Variants in FAM168A observed in about 807,000 individuals in gnomAD.
The protein encoded by FAM168A is family with sequence similarity 168 member A.
Under a neutral mutation model 28.5 loss-of-function variants are expected in FAM168A, and 3 were observed. That is an observed-to-expected ratio of 0.11 (90% CI 0.05 to 0.27). The LOEUF (loss-of-function observed/expected upper bound fraction) is 0.27, where lower values mean the gene tolerates loss of function less well. Among genes scored for constraint, FAM168A ranks in the 10% least tolerant of loss-of-function variants. FAM168A has a pLI of 1.00. For synonymous variants in FAM168A, 122 were observed against 124.2 expected (o/e 0.98, Z 0.12); for missense variants, 222 against 311.5 (o/e 0.71, Z 2.16).
At chr11:73,512,102 T>C (rs991158903) in intron 1 of FAM168A, among the ~76,000 whole-genome samples, 1 of 152,174 alleles carries the variant, frequency 6.6e-6, no homozygotes, top group Non-Finnish European at 1.5e-5. Flanking sequence ...TAAATGTGCC[T>C]ACCATGTGTC....
chr11:73,517,649 C>T (rs561034223), intron 1 of FAM168A, among the ~76,000 whole-genome samples: 3 of 152,188 alleles, frequency 2.0e-5, no homozygotes, highest in Admixed American at 6.5e-5. Flanking sequence ...TTAAGAGGAT[C>T]AGGGAAAAAC....
intron 1 of FAM168A, among the ~76,000 whole-genome samples, chr11:73,469,167 A>T (rs760264672): frequency 1.4e-4 from 21 of 152,236 alleles, no homozygotes; most frequent in Admixed American, 3.3e-4. Context: ...TTTGTGTGCA[A>T]TAAGTATCAC....
At chr11:73,451,684 C>G (rs34493385) in intron 2 of FAM168A, among the ~76,000 whole-genome samples, 11,421 of 152,286 alleles carry the variant, frequency 0.075, 562 homozygotes, top group Admixed American at 0.11. Flanking sequence ...AGTGCAGTAA[C>G]ATGCTGTACA....
At chr11:73,437,798 G>A (rs747858957) in intron 2 of FAM168A, among the ~76,000 whole-genome samples, 17 of 151,998 alleles carry the variant, frequency 1.1e-4, no homozygotes, top group Admixed American at 3.9e-4. Flanking sequence ...GAACATGTCT[G>A]TTTCCTCTCC....
rs776584064 is a variant in FAM168A, at chr11:73,478,149, T to C, written c.-18-9657A>G. Among the ~76,000 whole-genome samples, 131 of 152,228 alleles carry C rather than the reference T, an allele frequency of 8.6e-4. 3 individuals are homozygous for C. The highest frequency in any genetic ancestry group is 2.5e-4 in the Non-Finnish European group (17 of 68,036). Reference sequence around the variant, plus strand: ...TTGGAGCAACATTTCTACATTTTACTGAATTACATTAGTTTGCATCTGAAC... The same window carrying C: ...TTGGAGCAACATTTCTACATTTTACCGAATTACATTAGTTTGCATCTGAAC... On this transcript the variant is annotated intron_variant, in intron 1 of 7. Coordinates refer to ENST00000356467, the MANE Select transcript of FAM168A (RefSeq NM_015159.3).
intron 1 of FAM168A, among the ~76,000 whole-genome samples, chr11:73,508,372 T>G (rs11235782): frequency 0.03 from 4,526 of 152,268 alleles, 223 homozygotes; most frequent in African/African-American, 0.1. Context: ...TAGTTCTCTC[T>G]TTTGCATTTC....
intron 1 of FAM168A, among the ~76,000 whole-genome samples, chr11:73,497,750 C>T (rs767154337): frequency 2.0e-5 from 3 of 151,128 alleles, no homozygotes; most frequent in Non-Finnish European, 2.9e-5. Context: ...TGGGGCCTGT[C>T]GTTGGGTGGG....
chr11:73,468,501 A>G lies in FAM168A; in HGVS notation c.-18-9T>C, dbSNP rs1392404277. Reference sequence around the variant, plus strand: ...GTGGAAGACTGAGGATCCTACAGAGAAAACAAAGAAAACAGCACTGATATT... The same window carrying G: ...GTGGAAGACTGAGGATCCTACAGAGGAAACAAAGAAAACAGCACTGATATT... On this transcript the variant is annotated splice_polypyrimidine_tract_variant and intron_variant, in intron 1 of 7. Transcript: ENST00000356467. The G allele has an allele frequency of 6.3e-7, 1 of 1,583,914 alleles. No homozygotes were observed. The highest frequency in any genetic ancestry group is 2.2e-5 in the East Asian group (1 of 44,746).
At position 73,409,750 on chromosome 11, in the gene FAM168A, G is replaced by T. The variant is rs574619826; in HGVS notation, c.421-89C>A. The T allele has an allele frequency of 5.2e-6, 7 of 1,357,794 alleles. No homozygotes were observed. The Admixed American group carries it at 1.1e-4, about 22-fold the overall frequency. 84.1% of individuals were successfully genotyped at this position (1,357,794 alleles called of 1,614,324 possible). On this transcript the variant is annotated intron_variant, in intron 5 of 7. Transcript: ENST00000356467. ...GCACTGGCTGAAGGACACAAGGTCC[G>T]GACCCCAGCTGGGGCTCTGCTTGTC...
chr11:73,520,670 T>C (rs1445251520), intron 1 of FAM168A, among the ~76,000 whole-genome samples: 3 of 152,162 alleles, frequency 2.0e-5, no homozygotes, highest in South Asian at 4.1e-4. Context: ...GAAATTATAA[T>C]CCTTGAATGA....
At chr11:73,543,913 C>T (rs553609978) in intron 1 of FAM168A, among the ~76,000 whole-genome samples, 2 of 152,086 alleles carry the variant, frequency 1.3e-5, no homozygotes, top group Admixed American at 6.6e-5. Flanking sequence ...AAGATCTGCT[C>T]AAGCCCAGGA....
intron 2 of FAM168A, among the ~76,000 whole-genome samples, chr11:73,451,233 C>G (rs2134547121): frequency 6.6e-6 from 1 of 152,244 alleles, no homozygotes; most frequent in South Asian, 2.1e-4. Context: ...TCCAGAGTTC[C>G]CTATAAATAA....
chr11:73,587,851 G>C (rs1214815882), intron 1 of FAM168A, among the ~76,000 whole-genome samples: 2 of 152,008 alleles, frequency 1.3e-5, no homozygotes, highest in African/African-American at 2.4e-5. Context: ...TCTAGTTCAA[G>C]AGATTCTTCT....
chr11:73,565,898 A>T (rs1944015707), intron 1 of FAM168A, among the ~76,000 whole-genome samples: 1 of 152,230 alleles, frequency 6.6e-6, no homozygotes, highest in Non-Finnish European at 1.5e-5. Flanking sequence ...GCTCTTAATT[A>T]TGGAGGAAAA....
intron 2 of FAM168A, among the ~76,000 whole-genome samples, chr11:73,464,409 C>G (rs888494693): frequency 4.0e-5 from 6 of 151,300 alleles, no homozygotes; most frequent in Admixed American, 6.6e-5. Context: ...GCCTTCTAAC[C>G]TTGAGAGTTG....
At chr11:73,563,396 C>T (rs1191519840) in intron 1 of FAM168A, among the ~76,000 whole-genome samples, 1 of 152,206 alleles carries the variant, frequency 6.6e-6, no homozygotes, top group Admixed American at 6.5e-5. Flanking sequence ...AATGCCTACA[C>T]ACTATCTGGC....
At chr11:73,571,445 G>A (rs1223553336) in intron 1 of FAM168A, among the ~76,000 whole-genome samples, 2 of 151,866 alleles carry the variant, frequency 1.3e-5, no homozygotes, top group South Asian at 2.1e-4. Flanking sequence ...ACGGGGTTTC[G>A]CTGTGTTGGC....
intron 1 of FAM168A, among the ~76,000 whole-genome samples, chr11:73,501,887 G>A (rs951767802): frequency 6.6e-6 from 1 of 152,068 alleles, no homozygotes; most frequent in Non-Finnish European, 1.5e-5. Context: ...AGATCACAAG[G>A]TCAGGAGATC....
intron 1 of FAM168A, among the ~76,000 whole-genome samples, chr11:73,525,359 T>C (rs770193499): frequency 6.6e-5 from 10 of 152,160 alleles, no homozygotes; most frequent in Non-Finnish European, 1.5e-5. Flanking sequence ...TTCTCAGCAA[T>C]ACATCCTCCA....
Sources: allele counts gnomAD v4.1 joint callset (sites outside exome capture counted in the v4.1 genomes callset), GRCh38; gene constraint gnomAD v4.1.1; transcripts MANE v1.5; gene names NCBI Gene and HGNC (gene_info 2026-07-23, HGNC 2026-07-21).